Variants in STMND1 observed in about 807,000 individuals in gnomAD.
STMND1 encodes stathmin domain-containing protein 1.
A neutral mutation model predicts 23.0 loss-of-function variants in STMND1; 17 were observed. The observed-to-expected ratio is 0.74, with a 90% confidence interval of 0.51 to 1.11. STMND1 has a LOEUF of 1.11. Ranked by LOEUF, STMND1 falls within the 50% of genes least tolerant of loss-of-function variation. The pLI, the probability that STMND1 is intolerant of heterozygous loss-of-function variation, is 0.00. For synonymous variants in STMND1, 114 were observed against 119.9 expected (o/e 0.95, Z 0.32); for missense variants, 305 against 329.1 (o/e 0.93, Z 0.57).
At chr6:17,113,065 TTTATTTTTAAAGG>T (rs1761115229) in intron 1 of STMND1, among the ~76,000 whole-genome samples, 1 of 152,222 alleles carries the variant, frequency 6.6e-6, no homozygotes, top group Non-Finnish European at 1.5e-5. Context: ...CCAGTTCCAA[TTTATTTTTAAAGG>T]TTATGTGAGC....
chr6:17,114,389 C>T (rs574223547), intron 1 of STMND1, among the ~76,000 whole-genome samples: 4 of 152,088 alleles, frequency 2.6e-5, no homozygotes, highest in Admixed American at 1.3e-4. Context: ...CTCAGCCTCC[C>T]GAGTAGCTCA....
chr6:17,115,289 G>T, intron 2 of STMND1, 150 bp downstream of exon 2: 2 of 627,530 alleles, frequency 3.2e-6, no homozygotes, highest in Admixed American at 3.9e-5. Context: ...TGAAACATTA[G>T]AATTTAGCCT....
rs1761386687 is a variant in STMND1, at chr6:17,131,073, A to C, written c.*192A>C. 1 of 519,064 alleles carries C rather than the reference A, an allele frequency of 1.9e-6. No individual in the cohort carries two copies. Among genetic ancestry groups the C allele is most frequent in the Non-Finnish European group, 3.3e-6 (1 of 304,038 alleles). 32.2% of individuals were successfully genotyped at this position (519,064 alleles called of 1,614,324 possible). A position where few individuals can be genotyped will look rare whatever the true frequency, so the allele number is the denominator to read the frequency against. On this transcript the variant is annotated 3_prime_UTR_variant, in exon 5 of 5. Transcript: ENST00000536551. Reference sequence around the variant, plus strand: ...AAGTAGCTATGCTAGCTTTTAAAAAAAGAGCGAGGGGGAGACTTGACCAGC... The same window carrying C: ...AAGTAGCTATGCTAGCTTTTAAAAACAGAGCGAGGGGGAGACTTGACCAGC...
At chr6:17,103,343 A>T (rs6459517) in intron 1 of STMND1, among the ~76,000 whole-genome samples, 40,891 of 151,982 alleles carry the variant, frequency 0.27, 7,314 homozygotes, top group African/African-American at 0.5. Context: ...ACTGTGCAAG[A>T]CACTATTAAG....
intron 4 of STMND1, 150 bp downstream of exon 4, chr6:17,129,393 A>G: frequency 1.2e-6 from 1 of 840,324 alleles, no homozygotes; most frequent in South Asian, 2.2e-5. Flanking sequence ...TTTTTAAAAG[A>G]CAAAGTCTCA....
chr6:17,130,561 C>T (rs543394747), intron 4 of STMND1, 33 bp from the exon 5 acceptor site: 26 of 1,440,184 alleles, frequency 1.8e-5, no homozygotes, highest in African/African-American at 4.3e-5. Flanking sequence ...AAGTTATTCA[C>T]GCTCTTTTTC....
intron 1 of STMND1, among the ~76,000 whole-genome samples, chr6:17,104,487 G>A (rs565282311): frequency 7.3e-4 from 111 of 152,202 alleles, no homozygotes; most frequent in Middle Eastern, 3.4e-3. Flanking sequence ...CTCTCCAAGC[G>A]TCAAATACAA....
At chr6:17,117,178 C>G (rs1246437549) in intron 2 of STMND1, among the ~76,000 whole-genome samples, 1 of 151,892 alleles carries the variant, frequency 6.6e-6, no homozygotes, top group South Asian at 2.1e-4. Flanking sequence ...AAGCAATTCT[C>G]CTGCCTCCGC....
At chr6:17,116,627 A>T (rs1168595127) in intron 2 of STMND1, among the ~76,000 whole-genome samples, 1 of 151,960 alleles carries the variant, frequency 6.6e-6, no homozygotes, top group Non-Finnish European at 1.5e-5. Context: ...TTTAATAGAG[A>T]CGGGGTTTCA....
chr6:17,117,673 T>TG (rs888698546), intron 2 of STMND1, among the ~76,000 whole-genome samples: 5 of 134,382 alleles, frequency 3.7e-5, no homozygotes, highest in African/African-American at 1.4e-4. Flanking sequence ...TACGCTTTTT[T>TG]TTTTTTTTTT....
At chr6:17,129,348 C>A (rs1283399634) in intron 4 of STMND1, 105 bp downstream of exon 4, 2 of 1,051,228 alleles carry the variant, frequency 1.9e-6, no homozygotes, top group East Asian at 5.7e-5. Context: ...CTGCATGGAT[C>A]TATAATCAGT....
chr6:17,126,493 T>C (rs1413022012), intron 3 of STMND1, among the ~76,000 whole-genome samples: 3 of 152,158 alleles, frequency 2.0e-5, no homozygotes, highest in African/African-American at 7.2e-5. Flanking sequence ...CTCCTATGTA[T>C]AGCCTAATCT....
intron 2 of STMND1, among the ~76,000 whole-genome samples, chr6:17,115,739 A>C (rs771474609): frequency 2.6e-5 from 4 of 152,176 alleles, no homozygotes; most frequent in Non-Finnish European, 4.4e-5. Context: ...TCAGCCTTTG[A>C]AACATATTGA....
Position 17,102,185 on chromosome 6 carries a change from C to T in STMND1, c.-73C>T. 1 of 1,407,016 alleles carries T rather than the reference C, an allele frequency of 7.1e-7. No individual in the cohort carries two copies. The highest frequency in any genetic ancestry group is 1.5e-5 in the African/African-American group (1 of 66,256). 87.2% of individuals were successfully genotyped at this position (1,407,016 alleles called of 1,614,324 possible). A position where few individuals can be genotyped will look rare whatever the true frequency, so the allele number is the denominator to read the frequency against. ...CGCAGGAGCGCGGGACCACCGGCGCCGGAGCGCGGCAGGGAGCGCTCGCGG... is the reference window on the plus strand; with the variant it reads ...CGCAGGAGCGCGGGACCACCGGCGCTGGAGCGCGGCAGGGAGCGCTCGCGG... On this transcript the variant is annotated 5_prime_UTR_variant, in exon 1 of 5. Transcript: ENST00000536551.
intron 3 of STMND1, among the ~76,000 whole-genome samples, chr6:17,125,695 C>A (rs1761286151): frequency 6.6e-6 from 1 of 152,048 alleles, no homozygotes; most frequent in African/African-American, 2.4e-5. Flanking sequence ...GGAGGTCTAA[C>A]AGTGATAAAA....
intron 1 of STMND1, among the ~76,000 whole-genome samples, chr6:17,106,780 T>C (rs1761031095): frequency 6.6e-6 from 1 of 152,202 alleles, no homozygotes; most frequent in Non-Finnish European, 1.5e-5. Flanking sequence ...AACATGACTT[T>C]AAAATATTCT....
At chr6:17,102,371 CAGACAGAA>C in intron 1 of STMND1, 33 bp downstream of exon 1, 20 of 1,524,154 alleles carry the variant, frequency 1.3e-5, no homozygotes, top group Non-Finnish European at 1.6e-5. Context: ...AACAAACAAA[CAGACAGAA>C]AGCCTTTTGC....
chr6:17,105,989 C>T (rs1378998610), intron 1 of STMND1, among the ~76,000 whole-genome samples: 1 of 151,348 alleles, frequency 6.6e-6, no homozygotes, highest in East Asian at 1.9e-4. Flanking sequence ...CATCCTGGAG[C>T]TGACCTCTGC....
At chr6:17,120,793 TA>T (rs1388272571) in intron 3 of STMND1, 35 bp downstream of exon 3, 15 of 1,458,600 alleles carry the variant, frequency 1.0e-5, no homozygotes, top group African/African-American at 2.8e-5. Context: ...AGCTTATAGT[TA>T]AAATTAGCAA....
Sources: gnomAD v4.1 joint callset for allele counts (sites outside exome capture counted in the v4.1 genomes callset) on GRCh38, gnomAD v4.1.1 for gene constraint, MANE v1.5 for transcripts, NCBI Gene and HGNC (gene_info 2026-07-23, HGNC 2026-07-21) for gene names.